Variants in PPFIA3 observed in about 807,000 individuals in gnomAD.
The protein encoded by PPFIA3 is PPFI scaffold protein A3, also known as liprin-alpha-3.
In PPFIA3, 26 loss-of-function variants were observed where a neutral mutation model predicts 145.8. The ratio of observed to expected loss-of-function variants is 0.18; its 90% CI spans 0.13 to 0.25. The LOEUF (loss-of-function observed/expected upper bound fraction) is 0.25, where lower values mean the gene tolerates loss of function less well. PPFIA3 is among the 10% of genes least tolerant of loss of function. The pLI is 1.00. For missense variants in PPFIA3, 1,008 were observed against 1,587.8 expected (o/e 0.63, Z 6.21); for synonymous variants, 645 against 661.4 (o/e 0.98, Z 0.38).
rs981355701 is a variant in PPFIA3, at chr19:49,139,555, T to C, written c.2077-113T>C. ...CTTGAGCTAGACTACCTTCGTATAC[T>C]GTGTTCTAAACCAGGGTCACCCCAC... On this transcript the variant is annotated intron_variant, in intron 16 of 29. Transcript: ENST00000334186. 60 of 1,095,694 alleles carry C rather than the reference T, an allele frequency of 5.5e-5. No homozygotes were observed. In the Admixed American group the frequency reaches 1.5e-3, roughly 27 times the overall value. The allele number at this position is 1,095,694 out of a possible 1,614,324, so 67.9% of individuals were successfully genotyped here. A position where few individuals can be genotyped will look rare whatever the true frequency, so the allele number is the denominator to read the frequency against.
chr19:49,142,931 G>A lies in PPFIA3; in HGVS notation c.2672G>A (p.Arg891Gln). The change falls in exon 21 of 30, where the codon CGA becomes CAA. Residue 891 changes from arginine (R) to glutamine (Q), a missense_variant. Arg to Gln is a conservative substitution (Grantham distance 43). Transcript: ENST00000334186. Reference protein sequence around the residue: ...REIGISNPLHRLKLRLAIQEM... With the variant: ...REIGISNPLHQLKLRLAIQEM... ...ATCGGCATCAGCAACCCGCTGCACC[G>A]ACTCAAGCTACGCCTCGCCATCCAG... 6.2e-7 allele frequency: 1 copy of A among 1,613,568 alleles called. No individual in the cohort carries two copies. The highest frequency in any genetic ancestry group is 8.5e-7 in the Non-Finnish European group (1 of 1,179,994).
intron 10 of PPFIA3, 22 bp from the exon 11 acceptor site, chr19:49,134,012 C>G: frequency 3.1e-6 from 5 of 1,607,238 alleles, no homozygotes; most frequent in Non-Finnish European, 4.2e-6. Flanking sequence ...CTTAACAACC[C>G]GCCCCGCTCT....
At chr19:49,124,181 CTATT>C (rs1304386691) in intron 1 of PPFIA3, among the ~76,000 whole-genome samples, 2 of 151,570 alleles carry the variant, frequency 1.3e-5, no homozygotes, top group East Asian at 1.9e-4. Flanking sequence ...TTTAAAAAAT[CTATT>C]TATTTATTTA....
intron 7 of PPFIA3, among the ~76,000 whole-genome samples, chr19:49,132,262 G>A (rs372657644): frequency 4.7e-4 from 71 of 151,528 alleles, no homozygotes; most frequent in African/African-American, 1.5e-3. Context: ...GGCAGCGGGT[G>A]CCTGTAATCC....
chr19:49,121,889 G>A (rs1177422771), intron 1 of PPFIA3, among the ~76,000 whole-genome samples: 1 of 151,808 alleles, frequency 6.6e-6, no homozygotes, highest in Admixed American at 6.6e-5. Context: ...CTTCTCTGTT[G>A]GCTCCCAAAA....
At position 49,131,335 on chromosome 19, in the gene PPFIA3, ATTTTTT is replaced by A. The variant is rs10553520; in HGVS notation, c.879+752_879+757del. Among the ~76,000 whole-genome samples, 5 of 108,442 alleles carry A rather than the reference ATTTTTT, an allele frequency of 4.6e-5. No homozygotes were observed. In the South Asian group the frequency reaches 1.2e-3, roughly 26 times the overall value. The allele number at this position is 108,442 out of a possible 152,430, so 71.1% of individuals were successfully genotyped here. ...AGGTGTGCACCACCACACCTGGCTA[ATTTTTT>A]TTTTTTTTTTTTTTTGTATCTTCAG... On this transcript the variant is annotated intron_variant, in intron 7 of 29. Coordinates refer to ENST00000334186, the MANE Select transcript of PPFIA3 (RefSeq NM_003660.4).
chr19:49,134,598 C>T, intron 11 of PPFIA3, 41 bp from the exon 12 acceptor site: 4 of 1,590,120 alleles, frequency 2.5e-6, no homozygotes, highest in Non-Finnish European at 3.5e-6. Context: ...CGGGCGTGGC[C>T]CCTCAGGCCT....
Position 49,123,448 on chromosome 19 carries a change from C to CT in PPFIA3, c.-16+3736dup, listed in dbSNP as rs375392429. 4.1e-3 allele frequency among the ~76,000 whole-genome samples: 612 copies of CT among 148,324 alleles called. 5 individuals are homozygous for CT. Among genetic ancestry groups the CT allele is most frequent in the African/African-American group, 0.012 (505 of 40,428 alleles). On this transcript the variant is annotated intron_variant, in intron 1 of 29. Coordinates refer to ENST00000334186, the MANE Select transcript of PPFIA3 (RefSeq NM_003660.4). Reference sequence around the variant, plus strand: ...CTGTGCCTGGCCCTAATTTCACATTCTTTTTTTTTTGAGATCGAGTCTCAC... The same window carrying CT: ...CTGTGCCTGGCCCTAATTTCACATTCTTTTTTTTTTTGAGATCGAGTCTCAC...
chr19:49,126,305 G>A (rs904579345), intron 1 of PPFIA3, among the ~76,000 whole-genome samples: 1 of 151,488 alleles, frequency 6.6e-6, no homozygotes, highest in African/African-American at 2.4e-5. Flanking sequence ...CTGGAGTTCA[G>A]TGGTGCTATC....
intron 11 of PPFIA3, 33 bp from the exon 12 acceptor site, chr19:49,134,606 C>T (rs964736016): frequency 2.5e-6 from 4 of 1,605,524 alleles, no homozygotes; most frequent in Non-Finnish European, 2.6e-6. Flanking sequence ...GCCCCTCAGG[C>T]CTCACTCCCT....
At chr19:49,146,143 C>G (rs1373081679) in intron 22 of PPFIA3, 23 bp from the exon 23 acceptor site, 4 of 1,614,044 alleles carry the variant, frequency 2.5e-6, no homozygotes, top group Non-Finnish European at 3.4e-6. Context: ...CCCTTCTCTC[C>G]CCTCTTCCTA....
At chr19:49,138,651 T>C (rs1473967533) in intron 16 of PPFIA3, among the ~76,000 whole-genome samples, 3 of 152,218 alleles carry the variant, frequency 2.0e-5, no homozygotes, top group Non-Finnish European at 4.4e-5. Context: ...TTATTTCTCA[T>C]GCGTCAAGTT....
chr19:49,145,869 C>A, intron 21 of PPFIA3, 74 bp from the exon 22 acceptor site: 1 of 1,363,992 alleles, frequency 7.3e-7, no homozygotes, highest in Non-Finnish European at 1.0e-6. Context: ...CCAGGGCCTT[C>A]AGGAGGACAC....
intron 1 of PPFIA3, among the ~76,000 whole-genome samples, chr19:49,122,302 C>T (rs2040945511): frequency 6.6e-6 from 1 of 151,964 alleles, no homozygotes; most frequent in Non-Finnish European, 1.5e-5. Flanking sequence ...AGACTAGTCT[C>T]GAGTTCCCGA....
At chr19:49,139,913 G>C (rs777837624) in intron 17 of PPFIA3, 48 bp from the exon 18 acceptor site, 5 of 1,613,402 alleles carry the variant, frequency 3.1e-6, no homozygotes, top group Non-Finnish European at 4.2e-6. Flanking sequence ...TGGGAGGAGA[G>C]GGGGCATCTC....
intron 18 of PPFIA3, among the ~76,000 whole-genome samples, chr19:49,140,892 G>C (rs1279638479): frequency 6.6e-6 from 1 of 151,930 alleles, no homozygotes; most frequent in African/African-American, 2.4e-5. Context: ...CTGACCTTGT[G>C]ATCTGCCTGC....
intron 7 of PPFIA3, among the ~76,000 whole-genome samples, chr19:49,132,423 A>AAGAG (rs1262016121): frequency 6.7e-6 from 1 of 149,226 alleles, no homozygotes; most frequent in Non-Finnish European, 1.5e-5. Context: ...AAAAAAAAGA[A>AAGAG]AGAGAGAGAG....
chr19:49,121,110 C>T (rs1215997393), intron 1 of PPFIA3, among the ~76,000 whole-genome samples: 7 of 152,200 alleles, frequency 4.6e-5, no homozygotes, highest in African/African-American at 1.7e-4. Flanking sequence ...GGACTCTCTA[C>T]TCTTTCCCCT....
At position 49,128,976 on chromosome 19, in the gene PPFIA3, G is replaced by A; in HGVS notation, c.471G>A (p.Lys157=). 6.2e-7 allele frequency: 1 copy of A among 1,611,480 alleles called. No individual in the cohort carries two copies. Among genetic ancestry groups the A allele is most frequent in the Non-Finnish European group, 8.5e-7 (1 of 1,179,010 alleles). Residue 157 remains lysine (K), a synonymous_variant, in exon 4 of 30, where the codon AAG becomes AAA. Transcript: ENST00000334186. The surrounding 1 kb of genome is among the most constrained non-coding windows in gnomAD (Gnocchi z 4.1). ...AGGTAGAAGTGCTCAAAGCTCTAAAGTCTCTCTTCGAGCACCACAAGGCCC... is the reference window on the plus strand; with the variant it reads ...AGGTAGAAGTGCTCAAAGCTCTAAAATCTCTCTTCGAGCACCACAAGGCCC... ...SSEVEVLKAL[K]SLFEHHKALD...
Sources: gnomAD v4.1 joint callset for allele counts (sites outside exome capture counted in the v4.1 genomes callset) on GRCh38, gnomAD v4.1.1 for gene constraint, Gnocchi (gnomAD v3.1) non-coding constraint, MANE v1.5 for transcripts, NCBI Gene and HGNC (gene_info 2026-07-23, HGNC 2026-07-21) for gene names.